Variants in TENM3 observed in about 807,000 individuals in gnomAD.
TENM3 encodes the protein teneurin-3.
Under a neutral mutation model 255.1 loss-of-function variants are expected in TENM3, and 63 were observed. That is an observed-to-expected ratio of 0.25 (90% CI 0.20 to 0.30). TENM3 has a LOEUF of 0.30. TENM3 is among the 10% of genes least tolerant of loss of function. TENM3 has a pLI of 1.00. For missense variants in TENM3, 2,929 were observed against 3,461.1 expected, an observed-to-expected ratio of 0.85 and a Z score of 3.86; for synonymous variants, 1,306 against 1,322.3, an observed-to-expected ratio of 0.99 and a Z score of 0.27.
At chr4:182,601,745 G>A (rs1312241354) in intron 4 of TENM3, among the ~76,000 whole-genome samples, 1 of 152,146 alleles carries the variant, frequency 6.6e-6, no homozygotes, top group Non-Finnish European at 1.5e-5. Flanking sequence ...TCCTGACACA[G>A]TTCTATTAGG....
At chr4:181,955,477 T>C in the TENM3 span, among the ~76,000 whole-genome samples, 1 of 152,252 alleles carries the variant, frequency 6.6e-6, no homozygotes, top group Middle Eastern at 3.4e-3. Flanking sequence ...GGACAGCAAG[T>C]GCAAAGGCTT....
the TENM3 span, among the ~76,000 whole-genome samples, chr4:181,961,948 C>T: frequency 7.6e-3 from 1,162 of 152,146 alleles, 11 homozygotes; most frequent in Non-Finnish European, 0.012. Flanking sequence ...AATCTTTATT[C>T]ACTATAGGTG....
chr4:182,374,786 C>T (rs998763345), intron 3 of TENM3, among the ~76,000 whole-genome samples: 1 of 152,140 alleles, frequency 6.6e-6, no homozygotes, highest in Non-Finnish European at 1.5e-5. Context: ...TTGATCTTGG[C>T]TTCATAAAAC....
chr4:182,146,288 G>T (rs1048143192), intron 1 of TENM3, among the ~76,000 whole-genome samples: 1 of 152,048 alleles, frequency 6.6e-6, no homozygotes, highest in African/African-American at 2.4e-5. Flanking sequence ...TAAAATTCTT[G>T]TATGAGCCCT....
chr4:181,881,388 A>G, the TENM3 span, among the ~76,000 whole-genome samples: 1 of 152,116 alleles, frequency 6.6e-6, no homozygotes, highest in African/African-American at 2.4e-5. Flanking sequence ...GAATAAGTTA[A>G]AATAAGTAGT....
At chr4:181,726,782 C>T in the TENM3 span, among the ~76,000 whole-genome samples, 5 of 152,126 alleles carry the variant, frequency 3.3e-5, no homozygotes, top group African/African-American at 1.2e-4. Context: ...CCAAAGATCA[C>T]CCCCCACTTC....
chr4:182,132,962 G>A, the TENM3 span, among the ~76,000 whole-genome samples: 1 of 152,178 alleles, frequency 6.6e-6, no homozygotes, highest in Non-Finnish European at 1.5e-5. Context: ...AGGACCACAT[G>A]AGACAATGTA....
the TENM3 span, among the ~76,000 whole-genome samples, chr4:181,880,292 A>G: frequency 6.6e-6 from 1 of 152,224 alleles, no homozygotes; most frequent in Non-Finnish European, 1.5e-5. Context: ...TTAGAAATAT[A>G]TGTTAGATTA....
chr4:182,026,481 C>G, the TENM3 span, among the ~76,000 whole-genome samples: 1 of 152,148 alleles, frequency 6.6e-6, no homozygotes, highest in African/African-American at 2.4e-5. Context: ...TCCCATTTAT[C>G]TGTTTTTGCT....
At chr4:181,956,173 A>G in the TENM3 span, among the ~76,000 whole-genome samples, 4 of 152,132 alleles carry the variant, frequency 2.6e-5, no homozygotes, top group African/African-American at 7.2e-5. Context: ...TCCTAAGGGC[A>G]CTACTCACAT....
chr4:181,648,382 T>C, the TENM3 span, among the ~76,000 whole-genome samples: 1 of 152,266 alleles, frequency 6.6e-6, no homozygotes, highest in South Asian at 2.1e-4. Context: ...CTGACTCATA[T>C]GAAGCACGCT....
At chr4:181,663,157 G>A in the TENM3 span, among the ~76,000 whole-genome samples, 1 of 152,132 alleles carries the variant, frequency 6.6e-6, no homozygotes, top group South Asian at 2.1e-4. Flanking sequence ...TCATCACCTA[G>A]TTCAACAAGG....
In TENM3 at chr4:182,628,781, A is replaced by C. The variant is rs759009606; in HGVS notation, c.880A>C (p.Ser294Arg). The C allele has an allele frequency of 6.2e-7, 1 of 1,610,718 alleles. No homozygotes were observed. The highest frequency in any genetic ancestry group is 8.5e-7 in the Non-Finnish European group (1 of 1,178,550). Residue 294 changes from serine to arginine, a missense_variant, in exon 5 of 28, where the codon AGT becomes CGT. Physicochemically the swap from Ser to Arg is moderately radical, Grantham distance 110 (BLOSUM62 -1). Around this residue, in one of 6 missense-constraint regions of TENM3, gnomAD observed 1,608 missense variants for 1,884.4 expected, o/e 0.85. Transcript: ENST00000511685. ...RPLPRNTLSR[S>R]AFKFKKSSKY... The stretch of plus-strand genomic sequence containing the variant: ...ACTACCTAGAAACACCCTATCAAGA[A>C]GTGCTTTTAAATTCAAGAAGTCTTC...
intron 3 of TENM3, among the ~76,000 whole-genome samples, chr4:182,477,615 C>T (rs1266074485): frequency 1.3e-5 from 2 of 152,000 alleles, no homozygotes; most frequent in Non-Finnish European, 2.9e-5. Flanking sequence ...TTCTTGATTG[C>T]ATTCTATGAT....
chr4:181,852,769 A>C, the TENM3 span, among the ~76,000 whole-genome samples: 1 of 152,228 alleles, frequency 6.6e-6, no homozygotes, highest in Non-Finnish European at 1.5e-5. Context: ...CTCACAAAAC[A>C]ATATGAAGTT....
At chr4:182,037,411 G>A in the TENM3 span, among the ~76,000 whole-genome samples, 2 of 152,142 alleles carry the variant, frequency 1.3e-5, no homozygotes, top group Admixed American at 6.5e-5. Flanking sequence ...GCCTCCCAAA[G>A]TGCTGGGATT....
intron 3 of TENM3, among the ~76,000 whole-genome samples, chr4:182,514,292 T>C (rs995283814): frequency 1.3e-5 from 2 of 152,162 alleles, no homozygotes; most frequent in African/African-American, 4.8e-5. Context: ...TTGATGGTGT[T>C]AGGATATGAA....
chr4:181,922,648 G>A, the TENM3 span, among the ~76,000 whole-genome samples: 1 of 151,940 alleles, frequency 6.6e-6, no homozygotes, highest in Non-Finnish European at 1.5e-5. Context: ...AGTCTTGCTA[G>A]CAGTCTATCA....
intron 3 of TENM3, among the ~76,000 whole-genome samples, chr4:182,523,996 C>T (rs1228601405): frequency 1.3e-5 from 2 of 152,016 alleles, no homozygotes; most frequent in East Asian, 1.9e-4. Flanking sequence ...AAGAATTTTC[C>T]GTAGGAAAAA....
Sources: gnomAD v4.1 joint callset for allele counts (sites outside exome capture counted in the v4.1 genomes callset) on GRCh38, gnomAD v4.1.1 for gene constraint, gnomAD v4.1.1 regional missense constraint, MANE v1.5 for transcripts, NCBI Gene and HGNC (gene_info 2026-07-23, HGNC 2026-07-21) for gene names.